The following FER1L6 variants were observed in gnomAD, a reference collection of about 807,000 sequenced individuals.
The protein encoded by FER1L6 is fer-1-like protein 6.
Under a neutral mutation model 219.2 loss-of-function variants are expected in FER1L6, and 177 were observed. The ratio of observed to expected loss-of-function variants is 0.81; its 90% CI spans 0.71 to 0.91. The LOEUF (loss-of-function observed/expected upper bound fraction) is 0.91, where lower values mean the gene tolerates loss of function less well. Among genes scored for constraint, FER1L6 ranks in the 40% least tolerant of loss-of-function variants. FER1L6 has a pLI of 0.00. For synonymous variants in FER1L6, 768 were observed against 824.3 expected, an observed-to-expected ratio of 0.93 and a Z score of 1.17; for missense variants, 2,153 against 2,259.9, an observed-to-expected ratio of 0.95 and a Z score of 0.96.
chr8:123,955,213 G>A (rs373630515), intron 1 of FER1L6, among the ~76,000 whole-genome samples: 9 of 152,172 alleles, frequency 5.9e-5, no homozygotes, highest in Admixed American at 3.3e-4. Flanking sequence ...AGGTGGCAGT[G>A]AGCTGAGATC....
At chr8:124,023,113 C>T (rs1818532719) in intron 17 of FER1L6, among the ~76,000 whole-genome samples, 1 of 152,100 alleles carries the variant, frequency 6.6e-6, no homozygotes, top group Non-Finnish European at 1.5e-5. Context: ...GATGTGGTTT[C>T]ACCATACTGG....
rs1308101994 is a variant in FER1L6 at position 123,853,099 on chromosome 8, C to T, written c.-8+914C>T. Among the ~76,000 whole-genome samples, 1 of 152,212 alleles carries T rather than the reference C, an allele frequency of 6.6e-6. No individual in the cohort carries two copies. Among genetic ancestry groups the T allele is most frequent in the Non-Finnish European group, 1.5e-5 (1 of 68,036 alleles). ...GCTCAAGCGATCCTCCTGCCTCAGC[C>T]TTCCAAAGTGCTCGGATTACGTGCG... On this transcript the variant is annotated intron_variant, in intron 1 of 40. Transcript: ENST00000522917. The surrounding 1 kb of genome is among the most constrained non-coding windows in gnomAD (Gnocchi z 6.6).
rs777252244 is a variant in FER1L6, at chr8:124,070,567, T to C, written c.3935T>C (p.Leu1312Pro). 3 of 1,603,554 alleles carry C rather than the reference T, an allele frequency of 1.9e-6. No individual in the cohort carries two copies. The highest frequency in any genetic ancestry group is 1.7e-6 in the Non-Finnish European group (2 of 1,176,954). The change falls in exon 30 of 41, where the codon CTT (leucine) becomes CCT (proline). Residue 1312 changes from leucine (L) to proline (P), a missense_variant. Coordinates refer to ENST00000522917, the MANE Select transcript of FER1L6 (RefSeq NM_001039112.2). ...RGKSTEDDHG[L>P]DGDRVIGKFK... ...AAGTCTACGGAAGATGACCATGGTC[T>C]TGATGGAGACCGAGTCATAGGAAAA...
At chr8:124,034,688 G>A (rs1353590094) in intron 18 of FER1L6, among the ~76,000 whole-genome samples, 2 of 152,210 alleles carry the variant, frequency 1.3e-5, no homozygotes, top group Non-Finnish European at 2.9e-5. Flanking sequence ...TGCATGGCAG[G>A]CCAGGTAGAT....
At chr8:123,986,816 G>T (rs746730212) in intron 12 of FER1L6, among the ~76,000 whole-genome samples, 10 of 152,046 alleles carry the variant, frequency 6.6e-5, no homozygotes, top group Non-Finnish European at 1.2e-4. Context: ...ATAACCTCCT[G>T]TTCCATCCAT....
Position 123,989,848 on chromosome 8 carries a change from A to G in FER1L6, c.1519+3672A>G, listed in dbSNP as rs552882164. Among the ~76,000 whole-genome samples the G allele has an allele frequency of 2.6e-4, 39 of 152,284 alleles. 1 individual carries two copies. In the South Asian group the frequency reaches 7.7e-3, roughly 30 times the overall value. Reference sequence around the variant, plus strand: ...TTAAGGTTAGTTCCATATCTTTGCAATTGTGAATTGTGCTGCAACAAACAT... The same window carrying G: ...TTAAGGTTAGTTCCATATCTTTGCAGTTGTGAATTGTGCTGCAACAAACAT... On this transcript the variant is annotated intron_variant, in intron 12 of 40. Transcript: ENST00000522917.
intron 1 of FER1L6, among the ~76,000 whole-genome samples, chr8:123,951,477 G>T (rs1041036702): frequency 1.3e-5 from 2 of 152,194 alleles, no homozygotes; most frequent in African/African-American, 4.8e-5. Flanking sequence ...CAACACAACT[G>T]CTTCTATGTG....
intron 1 of FER1L6, among the ~76,000 whole-genome samples, chr8:123,943,299 G>A (rs1372385550): frequency 6.6e-6 from 1 of 152,180 alleles, no homozygotes; most frequent in Non-Finnish European, 1.5e-5. Flanking sequence ...ACACTGTCTG[G>A]AGCTAGGGCT....
intron 1 of FER1L6, among the ~76,000 whole-genome samples, chr8:123,924,190 G>C (rs1195456057): frequency 7.6e-6 from 1 of 131,096 alleles, no homozygotes; most frequent in Non-Finnish European, 1.6e-5. Context: ...AACTGAGATC[G>C]AGCCACTGCA....
intron 12 of FER1L6, among the ~76,000 whole-genome samples, chr8:123,994,449 G>C (rs1396722191): frequency 6.6e-6 from 1 of 152,154 alleles, no homozygotes; most frequent in Non-Finnish European, 1.5e-5. Context: ...GAAGGAGTGG[G>C]GGGTAGCATG....
At chr8:123,960,189 T>C (rs748819577) in intron 2 of FER1L6, among the ~76,000 whole-genome samples, 1 of 152,122 alleles carries the variant, frequency 6.6e-6, no homozygotes, top group Non-Finnish European at 1.5e-5. Flanking sequence ...AACGAGAAAG[T>C]GGAAGGACTG....
chr8:123,928,253 G>C (rs980847088), intron 1 of FER1L6, among the ~76,000 whole-genome samples: 1 of 152,076 alleles, frequency 6.6e-6, no homozygotes, highest in East Asian at 1.9e-4. Context: ...GTTTTTTATT[G>C]GTAGAATGGA....
At chr8:124,003,387 TG>T (rs1817506556) in intron 13 of FER1L6, 40 bp downstream of exon 13, 1 of 1,498,684 alleles carries the variant, frequency 6.7e-7, no homozygotes, top group African/African-American at 1.4e-5. Context: ...AGGATTTTGC[TG>T]GTGGAATTTT....
intron 39 of FER1L6, among the ~76,000 whole-genome samples, chr8:124,113,480 A>G (rs538602024): frequency 1.3e-5 from 2 of 152,306 alleles, no homozygotes; most frequent in South Asian, 2.1e-4. Context: ...CTGTCACCAC[A>G]TATAAGTAAA....
At position 124,103,150 on chromosome 8, in the gene FER1L6, C is replaced by A. The variant is rs987386708; in HGVS notation, c.5130C>A (p.Thr1710=). The A allele has an allele frequency of 1.0e-4, 166 of 1,613,652 alleles. No individual in the cohort carries two copies. The highest frequency in any genetic ancestry group is 1.4e-4 in the Non-Finnish European group (165 of 1,179,890). Residue 1710 remains threonine, a synonymous_variant, in exon 39 of 41, where the codon ACC becomes ACA. Transcript: ENST00000522917. The stretch of plus-strand genomic sequence containing the variant: ...GTTAGGGTCATCTCTCCACAGGCAC[C>A]CTGGAAATGAACCTCAACAGTTTCC... ...ERLSSDDFLG[T]LEMNLNSFPR...
intron 13 of FER1L6, among the ~76,000 whole-genome samples, chr8:124,004,976 C>T (rs567183354): frequency 1.9e-4 from 28 of 149,036 alleles, no homozygotes; most frequent in African/African-American, 4.7e-4. Flanking sequence ...CCAGCCTGGG[C>T]GACAGTGGAA....
At chr8:123,925,053 T>G (rs1813512148) in intron 1 of FER1L6, among the ~76,000 whole-genome samples, 1 of 152,260 alleles carries the variant, frequency 6.6e-6, no homozygotes, top group Admixed American at 6.5e-5. Flanking sequence ...TGATTGCCCA[T>G]CTGATTACAA....
At chr8:123,880,495 A>G (rs1273520597) in intron 1 of FER1L6, among the ~76,000 whole-genome samples, 2 of 152,170 alleles carry the variant, frequency 1.3e-5, no homozygotes, top group Admixed American at 1.3e-4. Flanking sequence ...AAGAGAACTT[A>G]CTTGCTCCAG....
At chr8:123,898,729 AT>A (rs1403991258) in intron 1 of FER1L6, among the ~76,000 whole-genome samples, 8 of 144,140 alleles carry the variant, frequency 5.6e-5, no homozygotes, top group Non-Finnish European at 1.2e-4. Context: ...ATGTGTATAT[AT>A]AGTATATATA....
Sources: gnomAD v4.1 joint callset for allele counts (sites outside exome capture counted in the v4.1 genomes callset) on GRCh38, gnomAD v4.1.1 for gene constraint, Gnocchi (gnomAD v3.1) non-coding constraint, MANE v1.5 for transcripts, NCBI Gene and HGNC (gene_info 2026-07-23, HGNC 2026-07-21) for gene names.